ACTG2: variants seen among roughly 807,000 people sequenced by gnomAD.
The protein encoded by ACTG2 is actin, gamma-enteric smooth muscle.
ACTG2 carries 16 observed loss-of-function variants against 37.6 expected under a neutral mutation model. The ratio of observed to expected loss-of-function variants is 0.43; its 90% CI spans 0.29 to 0.65. The LOEUF (loss-of-function observed/expected upper bound fraction) is 0.65. ACTG2 is among the 30% of genes least tolerant of loss of function. The probability of loss-of-function intolerance (pLI) is 0.18; values close to 1 mark genes in which losing one functional copy is unlikely to be tolerated. For synonymous variants in ACTG2, 181 were observed against 179.9 expected, an observed-to-expected ratio of 1.01 and a Z score of -0.05; for missense variants, 238 against 490.9, an observed-to-expected ratio of 0.48 and a Z score of 4.87.
At chr2:73,902,273 T>A in intron 2 of ACTG2, 87 bp from the exon 3 acceptor site, 1 of 1,499,380 alleles carries the variant, frequency 6.7e-7, no homozygotes. Flanking sequence ...CCCATCCTTA[T>A]CCTTCTTCAG....
At chr2:73,905,626 G>A (rs1180824616) in intron 3 of ACTG2, among the ~76,000 whole-genome samples, 1 of 152,116 alleles carries the variant, frequency 6.6e-6, no homozygotes, top group Non-Finnish European at 1.5e-5. Context: ...AAGAGTGAGA[G>A]CACTGAATTC....
chr2:73,906,519 C>T (rs891496319), intron 3 of ACTG2, among the ~76,000 whole-genome samples: 8 of 151,796 alleles, frequency 5.3e-5, no homozygotes, highest in East Asian at 1.9e-4. Context: ...CTTCCTCTGT[C>T]GCCCAGGCCG....
intron 1 of ACTG2, among the ~76,000 whole-genome samples, chr2:73,898,321 A>G (rs893883644): frequency 5.8e-5 from 3 of 51,310 alleles, no homozygotes; most frequent in Non-Finnish European, 2.0e-4. Context: ...GAGATTTGGA[A>G]CATACTGCTG....
intron 1 of ACTG2, 100 bp from the exon 2 acceptor site, chr2:73,901,176 T>A: frequency 1.0e-6 from 1 of 970,622 alleles, no homozygotes; most frequent in South Asian, 2.0e-5. Flanking sequence ...CCTGGAAGTG[T>A]GCCCTGATTG....
At chr2:73,915,767 AAGG>A (rs1459486385) in intron 7 of ACTG2, among the ~76,000 whole-genome samples, 1 of 152,152 alleles carries the variant, frequency 6.6e-6, no homozygotes, top group Non-Finnish European at 1.5e-5. Flanking sequence ...TACTAAGTGA[AAGG>A]AGCCACACAC....
chr2:73,917,664 T>C (rs1296483806), intron 8 of ACTG2, among the ~76,000 whole-genome samples: 2 of 152,256 alleles, frequency 1.3e-5, no homozygotes, highest in Admixed American at 1.3e-4. Context: ...TGTAAGGAAA[T>C]GTGTTCTCAG....
chr2:73,913,255 A>T (rs1190051783), intron 5 of ACTG2, among the ~76,000 whole-genome samples: 1 of 152,072 alleles, frequency 6.6e-6, no homozygotes. Context: ...CAAGGAATAC[A>T]AAAAAAGGAC....
At chr2:73,908,953 C>T in intron 4 of ACTG2, 102 bp from the exon 5 acceptor site, 2 of 1,307,936 alleles carry the variant, frequency 1.5e-6, no homozygotes, top group South Asian at 1.2e-5. Context: ...AACTATCAAA[C>T]TGGCATAGTT....
At chr2:73,896,604 G>A (rs1216531710) in intron 1 of ACTG2, 1 of 152,342 alleles carries the variant, frequency 6.6e-6, no homozygotes, top group Non-Finnish European at 1.5e-5. Context: ...GATTTCTAGA[G>A]CCAAACTTGT....
intron 8 of ACTG2, 40 bp from the exon 9 acceptor site, chr2:73,919,392 T>G (rs1357016851): frequency 1.2e-6 from 2 of 1,605,888 alleles, no homozygotes; most frequent in Admixed American, 1.7e-5. Flanking sequence ...GCTTATTCCC[T>G]TGGGGACTGA....
Position 73,901,532 on chromosome 2 carries a change from A to ATGTGTGTG in ACTG2, c.126+137_126+144dup, listed in dbSNP as rs58042852. ...CTGAGCTGGGGGTTAGGGGAAGGAA[A>ATGTGTGTG]TGTGTGTGTGTGTGTGTGTGTGTGT... On this transcript the variant is annotated intron_variant, in intron 2 of 8. Transcript: ENST00000345517. 1.6e-3 allele frequency: 1,818 copies of ATGTGTGTG among 1,143,930 alleles called. 5 individuals carry two copies. Among genetic ancestry groups the ATGTGTGTG allele is most frequent in the East Asian group, 9.0e-3 (276 of 30,626 alleles). 70.9% of individuals were successfully genotyped at this position (1,143,930 alleles called of 1,614,324 possible). A position where few individuals can be genotyped will look rare whatever the true frequency, so the allele number is the denominator to read the frequency against.
At chr2:73,907,484 G>C (rs1042185941) in intron 3 of ACTG2, among the ~76,000 whole-genome samples, 1 of 152,082 alleles carries the variant, frequency 6.6e-6, no homozygotes, top group Non-Finnish European at 1.5e-5. Context: ...TAAAACAGTG[G>C]TTCTTTTTTA....
intron 4 of ACTG2, 89 bp downstream of exon 4, chr2:73,908,872 A>G (rs777170561): frequency 1.9e-5 from 25 of 1,310,902 alleles, no homozygotes; most frequent in Admixed American, 3.8e-5. Context: ...CATCAGTGCA[A>G]CAGAACTCTC....
At chr2:73,902,518 G>A in intron 3 of ACTG2, 30 bp downstream of exon 3, 13 of 1,613,340 alleles carry the variant, frequency 8.1e-6, no homozygotes, top group Non-Finnish European at 1.1e-5. Context: ...TAATGAGCCT[G>A]CTTTAATGAT....
At chr2:73,902,702 G>C (rs1469098769) in intron 3 of ACTG2, 1 of 1,551,248 alleles carries the variant, frequency 6.4e-7, no homozygotes, top group South Asian at 1.2e-5. Flanking sequence ...TGATTTCTTG[G>C]TCTCTTGCCC....
intron 2 of ACTG2, 148 bp downstream of exon 2, chr2:73,901,585 T>C (rs1679882641): frequency 6.1e-6 from 1 of 163,674 alleles, no homozygotes; most frequent in East Asian, 9.4e-5. Flanking sequence ...TGTGTGTCTG[T>C]GCGTGTGTGT....
intron 8 of ACTG2, 119 bp from the exon 9 acceptor site, chr2:73,919,312 AT>A: frequency 8.4e-7 from 1 of 1,187,432 alleles, no homozygotes; most frequent in South Asian, 1.5e-5. Context: ...ATCTATCACA[AT>A]GTTTCTCCTG....
intron 1 of ACTG2, chr2:73,896,891 A>C (rs1401879870): frequency 6.6e-6 from 1 of 152,100 alleles, no homozygotes; most frequent in African/African-American, 2.4e-5. Flanking sequence ...AGTGACTTTG[A>C]CTCTGGTTCA....
chr2:73,910,461 C>G (rs10197651), intron 5 of ACTG2, among the ~76,000 whole-genome samples: 62,948 of 108,546 alleles, frequency 0.58, 19,381 homozygotes, highest in Admixed American at 0.67. Flanking sequence ...CTGTCTCCCA[C>G]GTTCAAACGA....
Sources: gnomAD v4.1 joint callset for allele counts (sites outside exome capture counted in the v4.1 genomes callset) on GRCh38, gnomAD v4.1.1 for gene constraint, MANE v1.5 for transcripts, NCBI Gene and HGNC (gene_info 2026-07-23, HGNC 2026-07-21) for gene names.